Variants in PRKN observed in about 807,000 individuals in gnomAD.
The protein encoded by PRKN is E3 ubiquitin-protein ligase parkin.
Under a neutral mutation model 59.5 loss-of-function variants are expected in PRKN, and 56 were observed. That is an observed-to-expected ratio of 0.94 (90% CI 0.76 to 1.18). The LOEUF (loss-of-function observed/expected upper bound fraction) is 1.18. Ranked by LOEUF, PRKN falls within the 50% of genes most tolerant of loss-of-function variation. PRKN has a pLI of 0.00. For missense variants in PRKN, 657 were observed against 596.4 expected (o/e 1.10, Z -1.06); for synonymous variants, 250 against 222.1 (o/e 1.13, Z -1.12).
Position 161,767,236 on chromosome 6 carries a change from G to A in PRKN, c.871+18536C>T, listed in dbSNP as rs371137765. 6.8e-4 allele frequency among the ~76,000 whole-genome samples: 104 copies of A among 152,268 alleles called. 4 individuals carry two copies. The South Asian group carries it at 0.02, about 29-fold the overall frequency. ...TCCCTTACAACAATCAGCATGGGCC[G>A]GGCACGGTGGCTCATGCCTGTAATC... is the stretch of plus-strand genomic sequence containing the variant. On this transcript the variant is annotated intron_variant, in intron 7 of 11. Transcript: ENST00000366898.
chr6:161,840,945 A>C (rs1792960812), intron 6 of PRKN, among the ~76,000 whole-genome samples: 1 of 152,200 alleles, frequency 6.6e-6, no homozygotes, highest in African/African-American at 2.4e-5. Flanking sequence ...ATGGAGAAAA[A>C]GGAATGCTTA....
chr6:161,977,541 GGTT>G (rs1245355739), intron 5 of PRKN, among the ~76,000 whole-genome samples: 29 of 98,716 alleles, frequency 2.9e-4, no homozygotes, highest in Non-Finnish European at 3.4e-4. Flanking sequence ...CTGTTTTTTT[GGTT>G]TTTTTTTTTT....
chr6:162,623,289 T>C (rs958456603), intron 1 of PRKN, among the ~76,000 whole-genome samples: 2 of 108,720 alleles, frequency 1.8e-5, no homozygotes, highest in African/African-American at 8.5e-5. Flanking sequence ...ATTTTAAAAA[T>C]TGGCTTTTTT....
At chr6:161,624,639 G>C (rs149718829) in intron 7 of PRKN, among the ~76,000 whole-genome samples, 1 of 152,272 alleles carries the variant, frequency 6.6e-6, no homozygotes, top group East Asian at 1.9e-4. Context: ...AAACACATTC[G>C]CTTCTGTTTC....
chr6:161,370,591 C>CAAAAAAAAAAAAAAAAAAA (rs560655971), intron 10 of PRKN, among the ~76,000 whole-genome samples: 6 of 57,824 alleles, frequency 1.0e-4, no homozygotes, highest in Admixed American at 2.2e-4. Flanking sequence ...GACTCTGTGT[C>CAAAAAAAAAAAAAAAAAAA]AAAAAAAAAA....
chr6:162,455,041 G>A (rs1790803671), intron 1 of PRKN, among the ~76,000 whole-genome samples: 1 of 152,232 alleles, frequency 6.6e-6, no homozygotes, highest in Non-Finnish European at 1.5e-5. Flanking sequence ...AGGGACAAGA[G>A]AGATGGTGAT....
At chr6:161,640,505 A>G (rs1783700105) in intron 7 of PRKN, among the ~76,000 whole-genome samples, 1 of 152,194 alleles carries the variant, frequency 6.6e-6, no homozygotes, top group African/African-American at 2.4e-5. Context: ...GTATGAAACA[A>G]GAGACAACGA....
At chr6:161,381,968 C>T (rs774475693) in intron 10 of PRKN, among the ~76,000 whole-genome samples, 7 of 151,800 alleles carry the variant, frequency 4.6e-5, no homozygotes, top group East Asian at 1.9e-4. Flanking sequence ...AAAAATTAGC[C>T]GGGTGCAGTA....
chr6:162,465,418 G>A (rs1483427500), intron 1 of PRKN, among the ~76,000 whole-genome samples: 1 of 152,142 alleles, frequency 6.6e-6, no homozygotes, highest in Non-Finnish European at 1.5e-5. Context: ...TTAATAGAGA[G>A]AACACTATTT....
intron 4 of PRKN, among the ~76,000 whole-genome samples, chr6:162,103,431 A>G (rs1460176946): frequency 6.6e-6 from 1 of 152,170 alleles, no homozygotes; most frequent in Non-Finnish European, 1.5e-5. Context: ...AAGGTAAAGC[A>G]CTTATTATCT....
At chr6:162,616,567 C>T (rs1782430164) in intron 1 of PRKN, among the ~76,000 whole-genome samples, 1 of 152,160 alleles carries the variant, frequency 6.6e-6, no homozygotes, top group Non-Finnish European at 1.5e-5. Context: ...ACAGTTTTTA[C>T]ACTGAAACTG....
chr6:162,130,647 C>T (rs1368519497), intron 4 of PRKN, among the ~76,000 whole-genome samples: 1 of 152,154 alleles, frequency 6.6e-6, no homozygotes, highest in Non-Finnish European at 1.5e-5. Flanking sequence ...AATCAATGCA[C>T]TGCTACATCT....
intron 5 of PRKN, among the ~76,000 whole-genome samples, chr6:162,029,988 G>A (rs1009509170): frequency 6.6e-6 from 1 of 152,000 alleles, no homozygotes; most frequent in Non-Finnish European, 1.5e-5. Flanking sequence ...ACAGGTACAC[G>A]CTATCACACC....
At chr6:162,132,018 C>CT (rs1781382301) in intron 4 of PRKN, among the ~76,000 whole-genome samples, 1 of 152,154 alleles carries the variant, frequency 6.6e-6, no homozygotes, top group Admixed American at 6.5e-5. Flanking sequence ...GATAACATGC[C>CT]ATGACAGCTC....
Position 161,350,027 on chromosome 6 carries a change from G to T in PRKN, c.*72C>A. 1 of 1,000,198 alleles carries T rather than the reference G, an allele frequency of 1.0e-6. No individual in the cohort carries two copies. Among genetic ancestry groups the T allele is most frequent in the Non-Finnish European group, 1.6e-6 (1 of 637,316 alleles). 62.0% of individuals were successfully genotyped at this position (1,000,198 alleles called of 1,614,324 possible). A position where few individuals can be genotyped will look rare whatever the true frequency, so the allele number is the denominator to read the frequency against. ...GCGTGTGTGTGTGTGTTTGAAAAGAGAATTAGAAAATGAAGGTAGACACTG... is the reference window on the plus strand; with the variant it reads ...GCGTGTGTGTGTGTGTTTGAAAAGATAATTAGAAAATGAAGGTAGACACTG... On this transcript the variant is annotated 3_prime_UTR_variant, in exon 12 of 12. Transcript: ENST00000366898.
chr6:162,049,739 GATTTTTAGAGTT>G (rs879466180), intron 5 of PRKN, among the ~76,000 whole-genome samples: 8 of 152,140 alleles, frequency 5.3e-5, no homozygotes, highest in Non-Finnish European at 1.2e-4. Context: ...ACGTGTAACA[GATTTTTAGAGTT>G]ATATTTTTGC....
intron 1 of PRKN, among the ~76,000 whole-genome samples, chr6:162,701,361 G>C (rs940586768): frequency 6.6e-6 from 1 of 151,800 alleles, no homozygotes; most frequent in Non-Finnish European, 1.5e-5. Context: ...AATTAATTAA[G>C]ATAATCAATT....
chr6:162,709,572 T>A (rs1323667562), intron 1 of PRKN, among the ~76,000 whole-genome samples: 1 of 152,140 alleles, frequency 6.6e-6, no homozygotes, highest in Admixed American at 6.5e-5. Context: ...CCATAGGAAT[T>A]GAAAGCAAGG....
intron 1 of PRKN, among the ~76,000 whole-genome samples, chr6:162,551,886 C>T (rs1478859234): frequency 6.6e-6 from 1 of 152,118 alleles, no homozygotes. Flanking sequence ...GATGATGAGA[C>T]TTGGAGTCTA....
Sources: gnomAD v4.1 joint callset for allele counts (sites outside exome capture counted in the v4.1 genomes callset) on GRCh38, gnomAD v4.1.1 for gene constraint, MANE v1.5 for transcripts, NCBI Gene and HGNC (gene_info 2026-07-23, HGNC 2026-07-21) for gene names.